The following GFOD1 variants were observed in gnomAD, a reference collection of about 807,000 sequenced individuals.
GFOD1 encodes glucose-fructose oxidoreductase domain-containing protein 1.
GFOD1 carries 9 observed loss-of-function variants against 25.4 expected under a neutral mutation model. The ratio of observed to expected loss-of-function variants is 0.35; its 90% CI spans 0.21 to 0.62. The LOEUF is 0.62. Among genes scored for constraint, GFOD1 ranks in the 20% least tolerant of loss-of-function variants. The pLI is 0.72. For missense variants in GFOD1, 403 were observed against 556.9 expected, an observed-to-expected ratio of 0.72 and a Z score of 2.78; for synonymous variants, 253 against 245.6, an observed-to-expected ratio of 1.03 and a Z score of -0.28.
intron 1 of GFOD1, among the ~76,000 whole-genome samples, chr6:13,473,245 G>C (rs7760365): frequency 0.031 from 4,792 of 152,242 alleles, 242 homozygotes; most frequent in African/African-American, 0.11. Flanking sequence ...CAAGAGAACA[G>C]GTGCTCCCAC....
intron 1 of GFOD1, among the ~76,000 whole-genome samples, chr6:13,481,177 A>C (rs1266797868): frequency 6.6e-6 from 1 of 152,242 alleles, no homozygotes; most frequent in Non-Finnish European, 1.5e-5. Flanking sequence ...GAAGAGAAAG[A>C]GGATGACAGA....
At position 13,364,935 on chromosome 6, in the gene GFOD1, A is replaced by T. The variant is rs1407685850; in HGVS notation, c.981T>A (p.Asp327Glu). The T allele has an allele frequency of 6.2e-7, 1 of 1,611,884 alleles. No homozygotes were observed. Among genetic ancestry groups the T allele is most frequent in the African/African-American group, 1.3e-5 (1 of 74,926 alleles). The change falls in exon 2 of 2, where the codon GAT becomes GAA. Residue 327 changes from aspartate (D) to glutamate (E), a missense_variant. Coordinates refer to ENST00000379287, the MANE Select transcript of GFOD1 (RefSeq NM_018988.4). The surrounding 1 kb of genome is among the most constrained non-coding windows in gnomAD (Gnocchi z 4.1). Reference protein sequence around the residue: ...FQDQDDRRTWDGRPLTMAATF... With the variant: ...FQDQDDRRTWEGRPLTMAATF... The stretch of plus-strand genomic sequence containing the variant: ...TGGCGGCCATGGTGAGGGGCCGCCC[A>T]TCCCACGTGCGCCGGTCGTCCTGGT...
intron 1 of GFOD1, among the ~76,000 whole-genome samples, chr6:13,457,166 C>A (rs1404656996): frequency 6.6e-6 from 1 of 152,194 alleles, no homozygotes. Context: ...AGAAAACAAT[C>A]CCACCTGTGG....
rs767747080 is a variant in GFOD1 at position 13,365,005 on chromosome 6, C to T, written c.911G>A (p.Arg304His). The change falls in exon 2 of 2, where the codon CGC becomes CAC. Residue 304 changes from arginine to histidine, a missense_variant. Transcript: ENST00000379287. The surrounding 1 kb of genome is among the most constrained non-coding windows in gnomAD (Gnocchi z 9.2). ...CGCCTGCATCATCTTGATGGTGCCG[C>T]GCAGGTAGGGCGAGGGGATGTCGCT... Reference protein sequence around the residue: ...AFSDIPSPYLRGTIKMMQAVR... With the variant: ...AFSDIPSPYLHGTIKMMQAVR... 2 of 1,610,406 alleles carry T rather than the reference C, an allele frequency of 1.2e-6. No individual in the cohort carries two copies. The highest frequency in any genetic ancestry group is 1.1e-5 in the South Asian group (1 of 91,072).
intron 1 of GFOD1, among the ~76,000 whole-genome samples, chr6:13,433,924 T>C (rs1757791206): frequency 6.6e-6 from 1 of 152,218 alleles, no homozygotes; most frequent in Admixed American, 6.5e-5. Flanking sequence ...CTGCAGACTA[T>C]CGTCTCAACA....
Position 13,487,037 on chromosome 6 carries a change from G to A in GFOD1, c.-147C>T. On this transcript the variant is annotated 5_prime_UTR_variant, in exon 1 of 2. Transcript: ENST00000379287. This position sits in a 1 kb window ranked among gnomAD's most constrained non-coding sequence, Gnocchi z 4.9. ...CGCCGTGCACCGGGCAAGGCGCCCG[G>A]GTGCCCAGAGCGCACCGAGCTGCAG... 2 of 980,522 alleles carry A rather than the reference G, an allele frequency of 2.0e-6. No individual in the cohort carries two copies. The highest frequency in any genetic ancestry group is 2.9e-6 in the Non-Finnish European group (2 of 681,546). The allele number at this position is 980,522 out of a possible 1,614,324, so 60.7% of individuals were successfully genotyped here.
At position 13,388,393 on chromosome 6, in the gene GFOD1, T is replaced by C. The variant is rs192075454; in HGVS notation, c.254-22731A>G. Among the ~76,000 whole-genome samples the C allele has an allele frequency of 2.6e-5, 4 of 152,342 alleles. No individual in the cohort carries two copies. The East Asian group carries it at 5.8e-4, about 22-fold the overall frequency. ...CAAGTCTACAGTAACCAAAACAGCA[T>C]GGTATTGGTACCAAAACAGATATAT... On this transcript the variant is annotated intron_variant, in intron 1 of 1. Coordinates refer to ENST00000379287, the MANE Select transcript of GFOD1 (RefSeq NM_018988.4).
intron 1 of GFOD1, among the ~76,000 whole-genome samples, chr6:13,443,140 A>C (rs1438282415): frequency 6.6e-6 from 1 of 152,194 alleles, no homozygotes; most frequent in East Asian, 1.9e-4. Flanking sequence ...GGGGGAAGTC[A>C]CTGCAGATGT....
At chr6:13,435,261 G>A (rs573895805) in intron 1 of GFOD1, among the ~76,000 whole-genome samples, 4 of 152,180 alleles carry the variant, frequency 2.6e-5, no homozygotes, top group East Asian at 1.9e-4. Flanking sequence ...TGTGGTAGAG[G>A]TGCTAATTCC....
intron 1 of GFOD1, among the ~76,000 whole-genome samples, chr6:13,381,923 A>G (rs866813328): frequency 4.9e-4 from 67 of 137,536 alleles, no homozygotes; most frequent in African/African-American, 9.9e-4. Flanking sequence ...GCGCACACAC[A>G]CACACACACA....
intron 1 of GFOD1, among the ~76,000 whole-genome samples, chr6:13,460,199 T>G (rs1758267987): frequency 6.6e-6 from 1 of 152,100 alleles, no homozygotes; most frequent in Admixed American, 6.6e-5. Flanking sequence ...ATAGGAACAC[T>G]TTTACACTGT....
At chr6:13,459,130 C>T (rs1758245686) in intron 1 of GFOD1, among the ~76,000 whole-genome samples, 1 of 152,102 alleles carries the variant, frequency 6.6e-6, no homozygotes, top group Admixed American at 6.6e-5. Context: ...ATCAAAAGAG[C>T]TTGCAGTGGT....
At chr6:13,370,997 T>A (rs553529789) in intron 1 of GFOD1, among the ~76,000 whole-genome samples, 1 of 152,146 alleles carries the variant, frequency 6.6e-6, no homozygotes, top group Non-Finnish European at 1.5e-5. Context: ...CTCATGACAA[T>A]CATCTGTCTT....
chr6:13,403,958 A>T (rs1294605222), intron 1 of GFOD1, among the ~76,000 whole-genome samples: 1 of 152,180 alleles, frequency 6.6e-6, no homozygotes, highest in Admixed American at 6.5e-5. Context: ...TGGTTGTACA[A>T]CTCTGTGAAT....
intron 1 of GFOD1, chr6:13,470,653 A>G: frequency 6.9e-7 from 1 of 1,449,470 alleles, no homozygotes; most frequent in Non-Finnish European, 9.1e-7. Context: ...GAGAAGAGAC[A>G]GAGAAGAGGA....
intron 1 of GFOD1, among the ~76,000 whole-genome samples, chr6:13,420,756 T>C (rs1786241857): frequency 6.6e-6 from 1 of 152,236 alleles, no homozygotes; most frequent in Non-Finnish European, 1.5e-5. Context: ...AAAGGACTGA[T>C]TTTTTCCGGG....
intron 1 of GFOD1, among the ~76,000 whole-genome samples, chr6:13,475,873 G>T (rs1228406307): frequency 6.6e-6 from 1 of 152,038 alleles, no homozygotes. Context: ...GCAGGGAGTT[G>T]AGATCATGCC....
In GFOD1 at chr6:13,486,731, G is replaced by GAA; in HGVS notation, c.159_160insTT (p.Arg54PhefsTer32). On this transcript the variant is annotated frameshift_variant, in exon 1 of 2. Coordinates refer to ENST00000379287, the MANE Select transcript of GFOD1 (RefSeq NM_018988.4). LOFTEE classifies it high-confidence loss of function. ...TGATGCAGCAGCACCTCATCAATGC[G>GAA]GCTAGTGTAGAAGGGGACACTCATC... is the stretch of plus-strand genomic sequence containing the variant. 1 of 1,614,084 alleles carries GAA rather than the reference G, an allele frequency of 6.2e-7. No individual in the cohort carries two copies. The highest frequency in any genetic ancestry group is 1.6e-4 in the Middle Eastern group (1 of 6,062).
chr6:13,408,095 G>A (rs558831776), intron 1 of GFOD1: 24 of 985,310 alleles, frequency 2.4e-5, no homozygotes, highest in East Asian at 1.1e-4. Context: ...CTGAGAGCCC[G>A]GCCACGGTAG....
Sources: gnomAD v4.1 joint callset for allele counts (sites outside exome capture counted in the v4.1 genomes callset) on GRCh38, gnomAD v4.1.1 for gene constraint, Gnocchi (gnomAD v3.1) non-coding constraint, MANE v1.5 for transcripts, NCBI Gene and HGNC (gene_info 2026-07-23, HGNC 2026-07-21) for gene names.